Variants in ERBB4 observed in about 807,000 individuals in gnomAD.
ERBB4 encodes the protein erb-b2 receptor tyrosine kinase 4.
A neutral mutation model predicts 158.0 loss-of-function variants in ERBB4; 42 were observed. That is an observed-to-expected ratio of 0.27 (90% confidence interval 0.21 to 0.34). The LOEUF is 0.34. Among genes scored for constraint, ERBB4 ranks in the 10% least tolerant of loss-of-function variants. ERBB4 has a pLI of 1.00. For missense variants in ERBB4, 1,333 were observed against 1,624.1 expected (o/e 0.82, Z 3.08); for synonymous variants, 583 against 558.7 (o/e 1.04, Z -0.61).
chr2:212,373,726 TATATATATATCC>T lies in ERBB4; in HGVS notation c.82+164711_82+164722del, dbSNP rs1339300445. 7.1e-5 allele frequency among the ~76,000 whole-genome samples: 10 copies of T among 140,034 alleles called. 1 individual carries two copies. Among genetic ancestry groups the T allele is most frequent in the Non-Finnish European group, 1.2e-4 (8 of 64,238 alleles). The allele number at this position is 140,034 out of a possible 152,430, so 91.9% of individuals were successfully genotyped here. Reference sequence around the variant, plus strand: ...ATATATATATCCACATATATATCCATATATATATATCCATATATATATCCATGTATATATCCA... The same window carrying T: ...ATATATATATCCACATATATATCCATATATATATATCCATGTATATATCCA... On this transcript the variant is annotated intron_variant, in intron 1 of 27. Coordinates refer to ENST00000342788, the MANE Select transcript of ERBB4 (RefSeq NM_005235.3).
chr2:212,144,802 T>C (rs1313614670), intron 1 of ERBB4, among the ~76,000 whole-genome samples: 1 of 152,212 alleles, frequency 6.6e-6, no homozygotes, highest in African/African-American at 2.4e-5. Context: ...GATTTGTACA[T>C]GTAAGCCTAG....
At chr2:212,173,930 G>T (rs2081589208) in intron 1 of ERBB4, among the ~76,000 whole-genome samples, 1 of 152,106 alleles carries the variant, frequency 6.6e-6, no homozygotes, top group Non-Finnish European at 1.5e-5. Context: ...CACTGAAACA[G>T]CTGGGAAACT....
chr2:211,457,851 G>C (rs1211750503), intron 20 of ERBB4, among the ~76,000 whole-genome samples: 1 of 152,150 alleles, frequency 6.6e-6, no homozygotes, highest in Non-Finnish European at 1.5e-5. Flanking sequence ...AGCCTTTCAT[G>C]CAACTGCTAG....
chr2:212,013,509 G>A (rs1433418690), intron 2 of ERBB4, among the ~76,000 whole-genome samples: 1 of 152,132 alleles, frequency 6.6e-6, no homozygotes, highest in Non-Finnish European at 1.5e-5. Context: ...ACCTAATTTG[G>A]AAATAGGGCC....
intron 3 of ERBB4, among the ~76,000 whole-genome samples, chr2:211,855,793 C>CT (rs1359692238): frequency 6.6e-6 from 1 of 152,022 alleles, no homozygotes; most frequent in East Asian, 1.9e-4. Context: ...CCTTTGCAAT[C>CT]TTTAAGTTTA....
intron 2 of ERBB4, among the ~76,000 whole-genome samples, chr2:212,110,358 GA>G (rs1458338053): frequency 6.6e-6 from 1 of 152,170 alleles, no homozygotes; most frequent in African/African-American, 2.4e-5. Context: ...TCCAAGACTT[GA>G]CTTCTTTCCT....
intron 2 of ERBB4, among the ~76,000 whole-genome samples, chr2:211,965,949 T>A (rs1321718834): frequency 6.6e-6 from 1 of 152,200 alleles, no homozygotes; most frequent in African/African-American, 2.4e-5. Flanking sequence ...CAGAGAATCA[T>A]GCCTGTAATC....
At chr2:212,356,757 A>G (rs912638205) in intron 1 of ERBB4, among the ~76,000 whole-genome samples, 10 of 151,864 alleles carry the variant, frequency 6.6e-5, no homozygotes, top group Admixed American at 4.6e-4. Flanking sequence ...GATCTTTCCA[A>G]CTTTTATCCT....
At chr2:212,007,098 T>C (rs1336850697) in intron 2 of ERBB4, among the ~76,000 whole-genome samples, 1 of 152,008 alleles carries the variant, frequency 6.6e-6, no homozygotes, top group East Asian at 1.9e-4. Context: ...CTGATTGCTG[T>C]CAATATGCCA....
At chr2:212,253,950 AT>A (rs1300867294) in intron 1 of ERBB4, among the ~76,000 whole-genome samples, 2 of 152,154 alleles carry the variant, frequency 1.3e-5, no homozygotes, top group African/African-American at 4.8e-5. Flanking sequence ...ACTGTAGGCA[AT>A]TGTAATACAA....
At chr2:212,352,350 A>G (rs1176201104) in intron 1 of ERBB4, among the ~76,000 whole-genome samples, 1 of 151,856 alleles carries the variant, frequency 6.6e-6, no homozygotes, top group African/African-American at 2.4e-5. Context: ...ACTTTATTTT[A>G]GATTGAAAAA....
chr2:211,572,591 C>A (rs1294655322), intron 19 of ERBB4, among the ~76,000 whole-genome samples: 3 of 152,146 alleles, frequency 2.0e-5, no homozygotes, highest in East Asian at 1.9e-4. Flanking sequence ...TTCCTGCAAC[C>A]CCTTAGTGAG....
At position 211,604,647 on chromosome 2, in the gene ERBB4, T is replaced by C. The variant is rs547733073; in HGVS notation, c.2301+14530A>G. ...ACCTAGGATCATGCTTCAAAGAATGTCTTAGCTGGCAAATACATATTTTTC... is the reference window on the plus strand; with the variant it reads ...ACCTAGGATCATGCTTCAAAGAATGCCTTAGCTGGCAAATACATATTTTTC... On this transcript the variant is annotated intron_variant, in intron 19 of 27. Coordinates refer to ENST00000342788, the MANE Select transcript of ERBB4 (RefSeq NM_005235.3). 3.3e-5 allele frequency among the ~76,000 whole-genome samples: 5 copies of C among 152,310 alleles called. No homozygotes were observed. The South Asian group carries it at 6.2e-4, about 19-fold the overall frequency.
Position 211,818,412 on chromosome 2 carries a change from G to T in ERBB4, c.422-30253C>A, listed in dbSNP as rs150716602. ...TCTCAGGGTACTCTGAGAACATACAGGAGGGCGAATTTTAAGGAGATACGT... is the reference window on the plus strand; with the variant it reads ...TCTCAGGGTACTCTGAGAACATACATGAGGGCGAATTTTAAGGAGATACGT... On this transcript the variant is annotated intron_variant, in intron 3 of 27. Transcript: ENST00000342788. Among the ~76,000 whole-genome samples the T allele has an allele frequency of 6.6e-3, 1,011 of 152,084 alleles. 5 individuals are homozygous for T. The highest frequency in any genetic ancestry group is 0.011 in the Admixed American group (165 of 15,258).
chr2:211,808,248 T>C (rs2076665285), intron 3 of ERBB4, among the ~76,000 whole-genome samples: 1 of 152,242 alleles, frequency 6.6e-6, no homozygotes, highest in South Asian at 2.1e-4. Context: ...CCTAGGGTTT[T>C]CATGGTTTTA....
At chr2:212,179,861 T>C (rs1458007243) in intron 1 of ERBB4, among the ~76,000 whole-genome samples, 1 of 151,692 alleles carries the variant, frequency 6.6e-6, no homozygotes, top group African/African-American at 2.4e-5. Flanking sequence ...CATACATTTC[T>C]CACATTATTT....
Position 211,378,152 on chromosome 2 carries a change from C to T in ERBB4, c.*5463G>A, listed in dbSNP as rs1018664154. 2 of 232,954 alleles carry T rather than the reference C, an allele frequency of 8.6e-6. No homozygotes were observed. The highest frequency in any genetic ancestry group is 4.4e-5 in the African/African-American group (2 of 45,276). 14.4% of individuals were successfully genotyped at this position (232,954 alleles called of 1,614,324 possible). ...TCAATGGGCAAAAAAGGGAAGGATT[C>T]TATTTTCCTCTAAAGGTCAGAGAGA... On this transcript the variant is annotated 3_prime_UTR_variant, in exon 28 of 28. Transcript: ENST00000342788.
At chr2:211,894,560 A>AT (rs1406433821) in intron 3 of ERBB4, among the ~76,000 whole-genome samples, 2 of 152,210 alleles carry the variant, frequency 1.3e-5, no homozygotes, top group African/African-American at 2.4e-5. Context: ...TTAAAGTATA[A>AT]TAAAAAAAAA....
At position 212,349,049 on chromosome 2, in the gene ERBB4, C is replaced by T. The variant is rs77726419; in HGVS notation, c.82+189400G>A. 9.7e-3 allele frequency among the ~76,000 whole-genome samples: 1,470 copies of T among 152,012 alleles called. 28 individuals are homozygous for T. The highest frequency in any genetic ancestry group is 0.033 in the African/African-American group (1,384 of 41,480). On this transcript the variant is annotated intron_variant, in intron 1 of 27. Coordinates refer to ENST00000342788, the MANE Select transcript of ERBB4 (RefSeq NM_005235.3). ...TGATATGATTGTCAATATTTTATTTCGAAAAGGATATAATGATTTGTGTCT... is the reference window on the plus strand; with the variant it reads ...TGATATGATTGTCAATATTTTATTTTGAAAAGGATATAATGATTTGTGTCT...
Sources: gnomAD v4.1 joint callset for allele counts (sites outside exome capture counted in the v4.1 genomes callset) on GRCh38, gnomAD v4.1.1 for gene constraint, MANE v1.5 for transcripts, NCBI Gene and HGNC (gene_info 2026-07-23, HGNC 2026-07-21) for gene names.